The following LYST variants were observed in gnomAD, a reference collection of about 807,000 sequenced individuals.
The protein encoded by LYST is lysosomal-trafficking regulator.
LYST carries 192 observed loss-of-function variants against 413.6 expected under a neutral mutation model. That is an observed-to-expected ratio of 0.46 (90% CI 0.41 to 0.52). LYST has a LOEUF of 0.52. LYST is among the 20% of genes least tolerant of loss of function. LYST has a pLI of 0.00. For synonymous variants in LYST, 1,525 were observed against 1,567.3 expected (o/e 0.97, Z 0.64); for missense variants, 3,815 against 4,499.9 (o/e 0.85, Z 4.35).
chr1:235,734,072 A>G (rs1263360690), intron 32 of LYST, among the ~76,000 whole-genome samples, 166 bp from the exon 33 acceptor site: 3 of 152,190 alleles, frequency 2.0e-5, no homozygotes, highest in African/African-American at 7.2e-5. Context: ...CAATGTTATA[A>G]TGTTATAATT....
At position 235,733,429 on chromosome 1, in the gene LYST, A is replaced by C. The variant is rs189728307; in HGVS notation, c.8801+74T>G. 1.6e-5 allele frequency: 20 copies of C among 1,285,666 alleles called. No homozygotes were observed. In the Admixed American group the frequency reaches 2.9e-4, roughly 19 times the overall value. 79.6% of individuals were successfully genotyped at this position (1,285,666 alleles called of 1,614,324 possible). Reference sequence around the variant, plus strand: ...ATGATTTTATGAGTCTGAATTCCGGAATACAAATTCCGTTTAACATCAATA... The same window carrying C: ...ATGATTTTATGAGTCTGAATTCCGGCATACAAATTCCGTTTAACATCAATA... On this transcript the variant is annotated intron_variant, in intron 34 of 52. Coordinates refer to ENST00000389793, the MANE Select transcript of LYST (RefSeq NM_000081.4).
At position 235,755,508 on chromosome 1, in the gene LYST, A is replaced by G. The variant is rs1050306168; in HGVS notation, c.7199T>C (p.Phe2400Ser). 4.3e-6 allele frequency: 7 copies of G among 1,613,972 alleles called. No individual in the cohort carries two copies. Among genetic ancestry groups the G allele is most frequent in the Admixed American group, 1.7e-5 (1 of 60,022 alleles). ...ATCAAGGCCAATATGTCGACCAAAG[A>G]ACATTTCGATGAAGCATTCTAACAA... is the stretch of plus-strand genomic sequence containing the variant. ...QELLECFIEM[F>S]FGRHIGLDEE... The change falls in exon 25 of 53, where the codon TTC (phenylalanine) becomes TCC (serine). Residue 2400 changes from phenylalanine (F) to serine (S), a missense_variant. Around this residue, in one of 4 missense-constraint regions of LYST, gnomAD observed 771 missense variants for 837.1 expected, o/e 0.92. Coordinates refer to ENST00000389793, the MANE Select transcript of LYST (RefSeq NM_000081.4).
chr1:235,722,526 C>T (rs1009280692), intron 39 of LYST, among the ~76,000 whole-genome samples: 4 of 152,122 alleles, frequency 2.6e-5, no homozygotes, highest in Admixed American at 6.5e-5. Flanking sequence ...CACTCTGTTG[C>T]CCAGGCTGGA....
At chr1:235,695,247 A>G (rs979773706) in intron 46 of LYST, among the ~76,000 whole-genome samples, 2 of 152,232 alleles carry the variant, frequency 1.3e-5, no homozygotes, top group African/African-American at 2.4e-5. Context: ...GAGGTAAATT[A>G]TTTTGTTATT....
intron 45 of LYST, among the ~76,000 whole-genome samples, chr1:235,699,223 C>T (rs1368266888): frequency 6.6e-6 from 1 of 152,086 alleles, no homozygotes; most frequent in East Asian, 1.9e-4. Context: ...TGTCTTGATG[C>T]TCTCTCTCCC....
chr1:235,758,160 T>G (rs1446105725), intron 23 of LYST, among the ~76,000 whole-genome samples: 1 of 152,184 alleles, frequency 6.6e-6, no homozygotes, highest in East Asian at 1.9e-4. Flanking sequence ...ACTGCTGCAT[T>G]TCAGCTCCAT....
chr1:235,783,906 G>T (rs1157358125), intron 14 of LYST, among the ~76,000 whole-genome samples: 1 of 150,088 alleles, frequency 6.7e-6, no homozygotes, highest in Non-Finnish European at 1.5e-5. Context: ...TTGAGACAGG[G>T]TCTCGCTCTG....
At position 235,806,215 on chromosome 1, in the gene LYST, C is replaced by CCCCCAATCCCAGGAAACCACCAATCTTAT; in HGVS notation, c.2920_2921insATAAGATTGGTGGTTTCCTGGGATTGGGG (p.Ser974AsnfsTer30). 6.2e-7 allele frequency: 1 copy of CCCCCAATCCCAGGAAACCACCAATCTTAT among 1,613,942 alleles called. No homozygotes were observed. The highest frequency in any genetic ancestry group is 2.2e-5 in the East Asian group (1 of 44,844). On this transcript the variant is annotated frameshift_variant, in exon 6 of 53. Transcript: ENST00000389793. LOFTEE classifies it high-confidence loss of function. ...ATAAAACTGTTTCTGGAACACTGAA[C>CCCCCAATCCCAGGAAACCACCAATCTTAT]TCAACATGTAGATCCAACGACACAT...
At chr1:235,693,225 G>A (rs1015266421) in intron 47 of LYST, 125 bp downstream of exon 47, 7 of 590,790 alleles carry the variant, frequency 1.2e-5, no homozygotes, top group Non-Finnish European at 1.9e-5. Context: ...GCTGAGGCAG[G>A]AGAATGGCGT....
intron 1 of LYST, among the ~76,000 whole-genome samples, chr1:235,856,479 C>T (rs1452540912): frequency 6.6e-6 from 1 of 152,090 alleles, no homozygotes; most frequent in African/African-American, 2.4e-5. Context: ...TCTCTAAATG[C>T]CTCTTTGGGT....
chr1:235,697,410 T>A, intron 45 of LYST, 138 bp from the exon 46 acceptor site: 1 of 544,170 alleles, frequency 1.8e-6, no homozygotes, highest in Non-Finnish European at 3.2e-6. Context: ...ATTTTACGCA[T>A]TTTTTTTTAC....
intron 10 of LYST, among the ~76,000 whole-genome samples, chr1:235,795,334 C>T (rs1456553222): frequency 6.6e-6 from 1 of 152,024 alleles, no homozygotes. Flanking sequence ...ATCATGGCTA[C>T]TGAGTGTAAC....
chr1:235,754,149 G>A (rs1443131923), intron 25 of LYST, among the ~76,000 whole-genome samples: 1 of 151,894 alleles, frequency 6.6e-6, no homozygotes, highest in Non-Finnish European at 1.5e-5. Flanking sequence ...AGGCTCTGAG[G>A]AGAGTAAGGC....
At position 235,773,850 on chromosome 1, in the gene LYST, T is replaced by C. The variant is rs201984316; in HGVS notation, c.5776A>G (p.Lys1926Glu). The C allele has an allele frequency of 6.2e-6, 10 of 1,612,156 alleles. No homozygotes were observed. In the Admixed American group the frequency reaches 1.2e-4, roughly 19 times the overall value. Residue 1926 changes from lysine to glutamate, a missense_variant, in exon 19 of 53, where the codon AAA becomes GAA. By Grantham distance (56) the Lys-to-Glu change is moderately conservative. This residue lies in a region of LYST where 530 missense variants were observed against 696.5 expected (regional missense o/e 0.76). Transcript: ENST00000389793. Reference sequence around the variant, plus strand: ...AAGTACATATTACATGCCTCTGCTTTACTCCATATCTTCCAGTCAAGCAAT... The same window carrying C: ...AAGTACATATTACATGCCTCTGCTTCACTCCATATCTTCCAGTCAAGCAAT... Reference protein sequence around the residue: ...ELLLDWKIWSKAEQGVWETLL... With the variant: ...ELLLDWKIWSEAEQGVWETLL...
intron 1 of LYST, among the ~76,000 whole-genome samples, chr1:235,865,711 T>C (rs1001960500): frequency 2.0e-5 from 3 of 152,190 alleles, no homozygotes; most frequent in Admixed American, 6.5e-5. Context: ...CATCTATAAA[T>C]TGAAAGCTTA....
chr1:235,756,756 A>C (rs900100131), intron 24 of LYST, among the ~76,000 whole-genome samples: 3 of 152,192 alleles, frequency 2.0e-5, no homozygotes, highest in Non-Finnish European at 4.4e-5. Flanking sequence ...GATTAATAAG[A>C]TAATTACAAG....
At chr1:235,784,602 C>G (rs1309139608) in intron 14 of LYST, among the ~76,000 whole-genome samples, 1 of 151,730 alleles carries the variant, frequency 6.6e-6, no homozygotes, top group Non-Finnish European at 1.5e-5. Context: ...GGGAAAGTCA[C>G]TCTAGGTCTC....
intron 5 of LYST, among the ~76,000 whole-genome samples, chr1:235,808,087 T>C (rs1353922027): frequency 6.6e-6 from 1 of 152,246 alleles, no homozygotes; most frequent in Admixed American, 6.5e-5. Flanking sequence ...GCCCTGCTCT[T>C]GGATATCTGT....
At chr1:235,769,531 T>C (rs1190172308) in intron 20 of LYST, among the ~76,000 whole-genome samples, 1 of 152,108 alleles carries the variant, frequency 6.6e-6, no homozygotes, top group Non-Finnish European at 1.5e-5. Flanking sequence ...GACAAAGTTC[T>C]AATCGATGCC....
Sources: allele counts gnomAD v4.1 joint callset (sites outside exome capture counted in the v4.1 genomes callset), GRCh38; gene constraint gnomAD v4.1.1; regional missense constraint gnomAD v4.1.1; transcripts MANE v1.5; gene names NCBI Gene and HGNC (gene_info 2026-07-23, HGNC 2026-07-21).